CPNE9: variants seen among roughly 807,000 people sequenced by gnomAD.
CPNE9 encodes the protein copine family member 9.
Under a neutral mutation model 83.0 loss-of-function variants are expected in CPNE9, and 59 were observed. The ratio of observed to expected loss-of-function variants is 0.71; its 90% confidence interval spans 0.58 to 0.88. CPNE9 has a LOEUF of 0.88. Ranked by LOEUF, CPNE9 falls within the 40% of genes least tolerant of loss-of-function variation. The pLI, the probability that CPNE9 is intolerant of heterozygous loss-of-function variation, is 0.00. For synonymous variants in CPNE9, 256 were observed against 273.4 expected (o/e 0.94, Z 0.63); for missense variants, 619 against 720.8 (o/e 0.86, Z 1.62).
rs1248834163 is a variant in CPNE9 at position 9,703,899 on chromosome 3, A to C, written c.-98A>C. Reference sequence around the variant, plus strand: ...GCGAGTGCAGCCGCCGCCGCCGCCGACACCGCGGCACATGGGCCGGCCCCG... The same window carrying C: ...GCGAGTGCAGCCGCCGCCGCCGCCGCCACCGCGGCACATGGGCCGGCCCCG... On this transcript the variant is annotated 5_prime_UTR_variant, in exon 1 of 21. Coordinates refer to ENST00000383832, the MANE Select transcript of CPNE9 (RefSeq NM_153635.3). 11 of 1,013,858 alleles carry C rather than the reference A, an allele frequency of 1.1e-5. No homozygotes were observed. In the Admixed American group the frequency reaches 1.5e-4, roughly 13 times the overall value. The allele number at this position is 1,013,858 out of a possible 1,614,324, so 62.8% of individuals were successfully genotyped here.
chr3:9,706,565 T>G (rs769101316), intron 7 of CPNE9, among the ~76,000 whole-genome samples: 1 of 152,240 alleles, frequency 6.6e-6, no homozygotes, highest in Non-Finnish European at 1.5e-5. Flanking sequence ...AAAACAAAGG[T>G]TCTTGTCCTC....
rs1272015853 is a variant in CPNE9 at position 9,704,343 on chromosome 3, T to G, written c.69-244T>G. 1.3e-5 allele frequency among the ~76,000 whole-genome samples: 2 copies of G among 152,200 alleles called. No individual in the cohort carries two copies. Among genetic ancestry groups the G allele is most frequent in the Non-Finnish European group, 2.9e-5 (2 of 68,032 alleles). On this transcript the variant is annotated intron_variant, in intron 1 of 20. Coordinates refer to ENST00000383832, the MANE Select transcript of CPNE9 (RefSeq NM_153635.3). This position sits in a 1 kb window ranked among gnomAD's most constrained non-coding sequence, Gnocchi z 7.1. ...GAGGACAAAGTTCTGGGGCGAGCCC[T>G]CTTTCCTGGGCCCTTGGAGACAGTG...
At chr3:9,724,088 T>C (rs2076755716) in intron 17 of CPNE9, among the ~76,000 whole-genome samples, 1 of 152,112 alleles carries the variant, frequency 6.6e-6, no homozygotes, top group African/African-American at 2.4e-5. Context: ...AAGGCTACCT[T>C]ATTGGACAGC....
chr3:9,710,075 G>A (rs1002430676), intron 7 of CPNE9, among the ~76,000 whole-genome samples: 2 of 151,816 alleles, frequency 1.3e-5, no homozygotes, highest in African/African-American at 4.8e-5. Context: ...CAGCTACTCT[G>A]GAGGCTGAGG....
rs1017326944 is a variant in CPNE9, at chr3:9,703,888, C to T, written c.-109C>T. On this transcript the variant is annotated 5_prime_UTR_variant, in exon 1 of 21. Coordinates refer to ENST00000383832, the MANE Select transcript of CPNE9 (RefSeq NM_153635.3). Reference sequence around the variant, plus strand: ...GCAGGGCTGGAGCGAGTGCAGCCGCCGCCGCCGCCGACACCGCGGCACATG... The same window carrying T: ...GCAGGGCTGGAGCGAGTGCAGCCGCTGCCGCCGCCGACACCGCGGCACATG... The T allele has an allele frequency of 5.5e-6, 5 of 902,944 alleles. No individual in the cohort carries two copies. Among genetic ancestry groups the T allele is most frequent in the African/African-American group, 5.4e-5 (3 of 55,338 alleles). 55.9% of individuals were successfully genotyped at this position (902,944 alleles called of 1,614,324 possible).
intron 10 of CPNE9, among the ~76,000 whole-genome samples, chr3:9,713,735 T>C (rs1273437037): frequency 1.3e-5 from 2 of 152,066 alleles, no homozygotes; most frequent in Non-Finnish European, 2.9e-5. Context: ...ATAAATTAGA[T>C]GGATAGGCCA....
chr3:9,729,631 T>C lies in CPNE9; in HGVS notation c.1601T>C (p.Ile534Thr). The part of the protein sequence containing the change: ...QLLSYMRTRD[I>T]QPRPPPPANP... ...CTGTCCTATATGCGCACCAGAGACA[T>C]CCAGCCTCGGCCCCCACCCCCTGCC... The change falls in exon 21 of 21, where the codon ATC (isoleucine) becomes ACC (threonine). Residue 534 changes from isoleucine to threonine, a missense_variant. Physicochemically the swap from Ile to Thr is moderately conservative, Grantham distance 89. This residue lies in a region of CPNE9 where 51 missense variants were observed against 40.4 expected (regional missense o/e 1.26). Coordinates refer to ENST00000383832, the MANE Select transcript of CPNE9 (RefSeq NM_153635.3). 6.2e-7 allele frequency: 1 copy of C among 1,613,946 alleles called. No homozygotes were observed. Among genetic ancestry groups the C allele is most frequent in the South Asian group, 1.1e-5 (1 of 91,068 alleles).
intron 20 of CPNE9, among the ~76,000 whole-genome samples, chr3:9,729,276 G>C (rs1318259286): frequency 6.6e-6 from 1 of 152,204 alleles, no homozygotes; most frequent in African/African-American, 2.4e-5. Context: ...AGCAAAAGCA[G>C]TTTCAATGGC....
chr3:9,715,852 G>C, intron 13 of CPNE9, 122 bp from the exon 14 acceptor site: 1 of 777,632 alleles, frequency 1.3e-6, no homozygotes, highest in Non-Finnish European at 2.2e-6. Flanking sequence ...CTGACTGGGG[G>C]AGCGGGTGGA....
At chr3:9,721,552 G>A (rs1016974592) in intron 17 of CPNE9, among the ~76,000 whole-genome samples, 4 of 152,106 alleles carry the variant, frequency 2.6e-5, no homozygotes, top group African/African-American at 9.7e-5. Flanking sequence ...TAGAGGGAGG[G>A]GGTAGGGCAT....
intron 7 of CPNE9, 44 bp downstream of exon 7, chr3:9,706,107 C>T (rs1366933328): frequency 1.3e-6 from 2 of 1,578,816 alleles, no homozygotes; most frequent in East Asian, 4.5e-5. Flanking sequence ...TGGGGGCTTC[C>T]AAATTCTCCC....
intron 17 of CPNE9, among the ~76,000 whole-genome samples, chr3:9,725,438 G>C (rs1007857478): frequency 1.3e-5 from 2 of 151,982 alleles, no homozygotes; most frequent in Non-Finnish European, 2.9e-5. Context: ...AGGAGGCTGA[G>C]GCAGGAGGAT....
chr3:9,722,319 G>T (rs1286260050), intron 17 of CPNE9, among the ~76,000 whole-genome samples: 1 of 152,168 alleles, frequency 6.6e-6, no homozygotes, highest in Non-Finnish European at 1.5e-5. Context: ...TGATTTTGAT[G>T]ATCACAATGG....
rs759725512 is a variant in CPNE9 at position 9,705,935 on chromosome 3, G to A, written c.301-52G>A. 2.5e-6 allele frequency: 4 copies of A among 1,579,148 alleles called. No individual in the cohort carries two copies. In the South Asian group the frequency reaches 3.3e-5, roughly 13 times the overall value. ...GCAGGAGCATCACTGGGGCTAGGCT[G>A]GGACTCAGCACTCAAGAGCTTCTGG... On this transcript the variant is annotated intron_variant, in intron 6 of 20. Coordinates refer to ENST00000383832, the MANE Select transcript of CPNE9 (RefSeq NM_153635.3).
chr3:9,725,952 T>C lies in CPNE9; in HGVS notation c.1245T>C (p.Ala415=). The C allele has an allele frequency of 6.2e-7, 1 of 1,612,014 alleles. No individual in the cohort carries two copies. The change falls in exon 18 of 21, where the codon GCT becomes GCC. Residue 415 remains alanine, a synonymous_variant. Transcript: ENST00000383832. ...TCTCATTTGGCCTCTCATCCAGGGC[T>C]GCAGCCAAGATCTCTGATGGCTCCC... ...FAPVINQVAR[A]AAKISDGSQY... is the part of the protein sequence containing the mutation.
Position 9,714,969 on chromosome 3 carries a change from A to C in CPNE9, c.692+14A>C, listed in dbSNP as rs370579390. On this transcript the variant is annotated intron_variant, in intron 11 of 20. Coordinates refer to ENST00000383832, the MANE Select transcript of CPNE9 (RefSeq NM_153635.3). ...CCGGGATGGAAGGTAGAACTGCCCC[A>C]CATGGTCCCTTCTCCTGTACTTGAC... is the stretch of plus-strand genomic sequence containing the variant. 6 of 1,611,864 alleles carry C rather than the reference A, an allele frequency of 3.7e-6. No homozygotes were observed. The highest frequency in any genetic ancestry group is 5.1e-6 in the Non-Finnish European group (6 of 1,178,188).
intron 20 of CPNE9, among the ~76,000 whole-genome samples, chr3:9,728,904 C>T (rs981069645): frequency 9.9e-5 from 15 of 152,078 alleles, no homozygotes; most frequent in African/African-American, 3.6e-4. Context: ...TCTCTGGTCC[C>T]TGCCCCTTGT....
chr3:9,704,611 C>G lies in CPNE9; in HGVS notation c.93C>G (p.Phe31Leu). ...SCRNLLDLDT[F>L]SKSDPMVVLY... ...GGAACCTGCTAGACCTTGATACCTT[C>G]TCCAAGTCCGACCCCAGTAGGCGGC... is the stretch of plus-strand genomic sequence containing the variant. The change falls in exon 2 of 21, where the codon TTC (phenylalanine) becomes TTG (leucine). Residue 31 changes from phenylalanine (F) to leucine (L), a missense_variant. By Grantham distance (22) the Phe-to-Leu change is conservative. Around this residue, in one of 3 missense-constraint regions of CPNE9, gnomAD observed 130 missense variants for 117.5 expected, o/e 1.11. Transcript: ENST00000383832. This position sits in a 1 kb window ranked among gnomAD's most constrained non-coding sequence, Gnocchi z 7.1. 1 of 1,614,104 alleles carries G rather than the reference C, an allele frequency of 6.2e-7. No homozygotes were observed. Among genetic ancestry groups the G allele is most frequent in the South Asian group, 1.1e-5 (1 of 91,084 alleles).
intron 6 of CPNE9, 45 bp from the exon 7 acceptor site, chr3:9,705,942 A>G (rs1396288655): frequency 6.3e-7 from 1 of 1,594,612 alleles, no homozygotes; most frequent in East Asian, 2.2e-5. Context: ...GCTGGGACTC[A>G]GCACTCAAGA....
Sources: gnomAD v4.1 joint callset for allele counts (sites outside exome capture counted in the v4.1 genomes callset) on GRCh38, gnomAD v4.1.1 for gene constraint, gnomAD v4.1.1 regional missense constraint, Gnocchi (gnomAD v3.1) non-coding constraint, MANE v1.5 for transcripts, NCBI Gene and HGNC (gene_info 2026-07-23, HGNC 2026-07-21) for gene names.